STAM: variants seen among roughly 807,000 people sequenced by gnomAD.
The protein encoded by STAM is signal transducing adaptor molecule, also known as signal transducing adapter molecule 1.
STAM carries 16 observed loss-of-function variants against 63.4 expected under a neutral mutation model. The ratio of observed to expected loss-of-function variants is 0.25; its 90% confidence interval spans 0.17 to 0.38. The LOEUF is 0.38. STAM is among the 10% of genes least tolerant of loss of function. The pLI is 1.00. For synonymous variants in STAM, 238 were observed against 223.9 expected, an observed-to-expected ratio of 1.06 and a Z score of -0.56; for missense variants, 636 against 657.1, an observed-to-expected ratio of 0.97 and a Z score of 0.35.
chr10:17,656,176 C>T (rs1022057021), intron 1 of STAM, among the ~76,000 whole-genome samples: 1 of 151,692 alleles, frequency 6.6e-6, no homozygotes, highest in Non-Finnish European at 1.5e-5. Flanking sequence ...TGCCTGTAGT[C>T]CCAGCTACTC....
intron 5 of STAM, among the ~76,000 whole-genome samples, chr10:17,691,527 T>G (rs1475435499): frequency 6.6e-6 from 1 of 152,116 alleles, no homozygotes; most frequent in Non-Finnish European, 1.5e-5. Context: ...AATAAATAAA[T>G]AAATAAATGC....
At chr10:17,701,744 A>T (rs1589103520) in intron 9 of STAM, among the ~76,000 whole-genome samples, 1 of 152,008 alleles carries the variant, frequency 6.6e-6, no homozygotes. Context: ...TCCCTTTTCA[A>T]TTCTTCTCTC....
chr10:17,649,811 C>G (rs556573807), intron 1 of STAM, among the ~76,000 whole-genome samples: 1 of 152,170 alleles, frequency 6.6e-6, no homozygotes, highest in East Asian at 1.9e-4. Context: ...TGGGGTTTTG[C>G]CATATTGGCC....
At position 17,709,113 on chromosome 10, in the gene STAM, A is replaced by G. The variant is rs149004943; in HGVS notation, c.1385+162A>G. The stretch of plus-strand genomic sequence containing the variant: ...AGTGGTGGAGCCTCTGTGGTATTCC[A>G]GTACCAGCCAGCAAGCTGGTCCTCT... On this transcript the variant is annotated intron_variant, in intron 13 of 13. Transcript: ENST00000377524. 4.6e-3 allele frequency among the ~76,000 whole-genome samples: 703 copies of G among 152,336 alleles called. 6 individuals are homozygous for G. The highest frequency in any genetic ancestry group is 0.016 in the African/African-American group (675 of 41,572).
intron 2 of STAM, 70 bp downstream of exon 2, chr10:17,660,618 G>A (rs1457583810): frequency 8.2e-6 from 10 of 1,219,824 alleles, no homozygotes; most frequent in Non-Finnish European, 1.2e-5. Context: ...AGGTGCAGTG[G>A]CTTGCACCTG....
chr10:17,681,962 C>T (rs1835104170), intron 2 of STAM, among the ~76,000 whole-genome samples: 1 of 152,200 alleles, frequency 6.6e-6, no homozygotes, highest in Non-Finnish European at 1.5e-5. Context: ...AAAGCATCCC[C>T]ATGAAATGCA....
At chr10:17,663,449 A>G (rs1167320583) in intron 2 of STAM, among the ~76,000 whole-genome samples, 4 of 152,210 alleles carry the variant, frequency 2.6e-5, no homozygotes, top group South Asian at 4.1e-4. Flanking sequence ...TACTAAGTCT[A>G]TGAGTTTACT....
chr10:17,647,854 C>G (rs76603297), intron 1 of STAM, among the ~76,000 whole-genome samples: 5 of 152,312 alleles, frequency 3.3e-5, no homozygotes, highest in Admixed American at 2.0e-4. Context: ...TATGTTCTTA[C>G]TCTCAGCCTC....
chr10:17,683,252 C>T (rs1835159732), intron 2 of STAM, among the ~76,000 whole-genome samples: 1 of 152,114 alleles, frequency 6.6e-6, no homozygotes, highest in Non-Finnish European at 1.5e-5. Context: ...CATCCTCGAC[C>T]TCTGGGGCTC....
At position 17,678,190 on chromosome 10, in the gene STAM, G is replaced by A. The variant is rs149212581; in HGVS notation, c.126-6485G>A. 1.4e-3 allele frequency among the ~76,000 whole-genome samples: 207 copies of A among 152,132 alleles called. 1 individual carries two copies. The highest frequency in any genetic ancestry group is 2.0e-3 in the Non-Finnish European group (137 of 68,006). On this transcript the variant is annotated intron_variant, in intron 2 of 13. Coordinates refer to ENST00000377524, the MANE Select transcript of STAM (RefSeq NM_003473.4). ...TTCTATCTGTGTGGATTTGCCTGTT[G>A]TAGACATTTCATATAAATGGAGCTC...
At chr10:17,664,452 T>C (rs1472176951) in intron 2 of STAM, among the ~76,000 whole-genome samples, 1 of 152,144 alleles carries the variant, frequency 6.6e-6, no homozygotes, top group African/African-American at 2.4e-5. Context: ...CTTAAACATT[T>C]GTAGTTTGCC....
chr10:17,703,102 C>T (rs576794328), intron 9 of STAM, among the ~76,000 whole-genome samples: 9 of 150,974 alleles, frequency 6.0e-5, no homozygotes, highest in Non-Finnish European at 1.2e-4. Flanking sequence ...ACTTCTTTGA[C>T]ACTAAATAAT....
At chr10:17,666,800 T>G (rs1235572947) in intron 2 of STAM, among the ~76,000 whole-genome samples, 3 of 152,192 alleles carry the variant, frequency 2.0e-5, no homozygotes, top group African/African-American at 7.2e-5. Flanking sequence ...AAAAATAATC[T>G]CTGAGCTGGA....
intron 2 of STAM, among the ~76,000 whole-genome samples, chr10:17,662,504 T>C (rs1298011481): frequency 3.9e-5 from 6 of 152,238 alleles, no homozygotes; most frequent in Non-Finnish European, 7.3e-5. Context: ...TAGTAACTTA[T>C]ATCTAATGAA....
At chr10:17,672,871 T>A in intron 2 of STAM, 1 of 166,364 alleles carries the variant, frequency 6.0e-6, no homozygotes, top group Non-Finnish European at 1.2e-5. Flanking sequence ...AAATGATAAG[T>A]AGGTATTTTT....
chr10:17,654,792 A>T (rs906490004), intron 1 of STAM, among the ~76,000 whole-genome samples: 22 of 152,212 alleles, frequency 1.4e-4, no homozygotes, highest in Admixed American at 9.8e-4. Flanking sequence ...TTTTCAAAAA[A>T]GTCTAGGTCT....
chr10:17,676,711 C>T (rs530429399), intron 2 of STAM, among the ~76,000 whole-genome samples: 4 of 152,156 alleles, frequency 2.6e-5, no homozygotes, highest in South Asian at 2.1e-4. Flanking sequence ...CTTTCACTCG[C>T]GAAAGGGTAC....
intron 8 of STAM, 25 bp from the exon 9 acceptor site, chr10:17,700,166 A>G: frequency 6.4e-7 from 1 of 1,553,864 alleles, no homozygotes. Context: ...TTATTAAAAA[A>G]AGATAACTTT....
chr10:17,668,442 A>C (rs1407151833), intron 2 of STAM, among the ~76,000 whole-genome samples: 1 of 152,248 alleles, frequency 6.6e-6, no homozygotes, highest in Non-Finnish European at 1.5e-5. Context: ...ATACATTACT[A>C]TTAACTAAAG....
Sources: allele counts gnomAD v4.1 joint callset (sites outside exome capture counted in the v4.1 genomes callset), GRCh38; gene constraint gnomAD v4.1.1; transcripts MANE v1.5; gene names NCBI Gene and HGNC (gene_info 2026-07-23, HGNC 2026-07-21).